The following RUNDC3B variants were observed in gnomAD, a reference collection of about 807,000 sequenced individuals.
The protein encoded by RUNDC3B is RUN domain containing 3B.
In RUNDC3B, 33 loss-of-function variants were observed where a neutral mutation model predicts 58.4. The ratio of observed to expected loss-of-function variants is 0.56; its 90% CI spans 0.43 to 0.75. The LOEUF (loss-of-function observed/expected upper bound fraction) is 0.75, where lower values mean the gene tolerates loss of function less well. Ranked by LOEUF, RUNDC3B falls within the 30% of genes least tolerant of loss-of-function variation. RUNDC3B has a pLI of 0.00. For missense variants in RUNDC3B, 501 were observed against 535.7 expected (o/e 0.94, Z 0.64); for synonymous variants, 193 against 195.2 (o/e 0.99, Z 0.10).
chr7:87,661,796 GT>G (rs1393369498), intron 2 of RUNDC3B, among the ~76,000 whole-genome samples: 1 of 151,872 alleles, frequency 6.6e-6, no homozygotes, highest in Non-Finnish European at 1.5e-5. Context: ...TCATATGGTA[GT>G]TTAATTTTAA....
At chr7:87,713,786 A>T (rs2130754221) in intron 4 of RUNDC3B, among the ~76,000 whole-genome samples, 1 of 152,268 alleles carries the variant, frequency 6.6e-6, no homozygotes, top group Admixed American at 6.5e-5. Context: ...ATAATTAGTA[A>T]ATTTCAATTT....
In RUNDC3B at chr7:87,667,397, G is replaced by GT. The variant is rs202009483; in HGVS notation, c.238+16471dup. On this transcript the variant is annotated intron_variant, in intron 2 of 10. Coordinates refer to ENST00000394654, the MANE Select transcript of RUNDC3B (RefSeq NM_001134405.2). ...GGAGGAACTTTTGGGCCAAGACTAT[G>GT]TTTTTTTTTTTCTAGATATAGAATC... Among the ~76,000 whole-genome samples the GT allele has an allele frequency of 1.2e-3, 182 of 147,132 alleles. 1 individual carries two copies. Among genetic ancestry groups the GT allele is most frequent in the Middle Eastern group, 7.1e-3 (2 of 282 alleles).
intron 2 of RUNDC3B, among the ~76,000 whole-genome samples, chr7:87,676,458 T>G (rs1406306926): frequency 1.3e-5 from 2 of 152,202 alleles, no homozygotes; most frequent in Non-Finnish European, 1.5e-5. Context: ...TCCATCACTT[T>G]GGGAGGCCAA....
chr7:87,651,504 G>T (rs1373817287), intron 2 of RUNDC3B, among the ~76,000 whole-genome samples: 3 of 151,988 alleles, frequency 2.0e-5, no homozygotes, highest in Non-Finnish European at 4.4e-5. Context: ...AAATATAGTT[G>T]CTAAAATTCA....
At chr7:87,644,019 T>G (rs1196957482) in intron 1 of RUNDC3B, among the ~76,000 whole-genome samples, 1 of 152,152 alleles carries the variant, frequency 6.6e-6, no homozygotes, top group Non-Finnish European at 1.5e-5. Flanking sequence ...CCACCATACC[T>G]GGATAATTTT....
intron 7 of RUNDC3B, among the ~76,000 whole-genome samples, chr7:87,771,151 A>G (rs1406756981): frequency 1.3e-5 from 2 of 152,184 alleles, no homozygotes; most frequent in African/African-American, 2.4e-5. Flanking sequence ...AGTGGAGTAT[A>G]TAACAGAAAG....
At chr7:87,816,681 TTGAG>T (rs1837061656) in intron 10 of RUNDC3B, among the ~76,000 whole-genome samples, 1 of 152,218 alleles carries the variant, frequency 6.6e-6, no homozygotes, top group African/African-American at 2.4e-5. Flanking sequence ...ACCTGGTTTA[TTGAG>T]TATTTTAAAA....
chr7:87,701,177 A>G (rs1361898407), intron 3 of RUNDC3B, among the ~76,000 whole-genome samples: 1 of 152,212 alleles, frequency 6.6e-6, no homozygotes, highest in Admixed American at 6.5e-5. Context: ...GCTGAACTAG[A>G]TACTTTTTAA....
rs182462211 is a variant in RUNDC3B, at chr7:87,634,559, C to T, written c.122+5614C>T. ...CAGGAGAATCACTTGAACCCTGGGG[C>T]GGAGGTTGCAGTGAGCCGAGATTCA... On this transcript the variant is annotated intron_variant, in intron 1 of 10. Transcript: ENST00000394654. Among the ~76,000 whole-genome samples, 429 of 147,212 alleles carry T rather than the reference C, an allele frequency of 2.9e-3. 3 individuals are homozygous for T. The highest frequency in any genetic ancestry group is 0.01 in the African/African-American group (403 of 39,422).
At chr7:87,735,124 G>A (rs935541553) in intron 4 of RUNDC3B, among the ~76,000 whole-genome samples, 1 of 152,050 alleles carries the variant, frequency 6.6e-6, no homozygotes, top group African/African-American at 2.4e-5. Flanking sequence ...CTGTAACTCT[G>A]TTCACCCTTT....
At chr7:87,649,751 C>G (rs541853721) in intron 1 of RUNDC3B, among the ~76,000 whole-genome samples, 1 of 152,238 alleles carries the variant, frequency 6.6e-6, no homozygotes, top group Non-Finnish European at 1.5e-5. Context: ...TCCCATAATT[C>G]CTATGTGTTG....
rs909537434 is a variant in RUNDC3B, at chr7:87,700,433, G to T, written c.251G>T (p.Trp84Leu). Residue 84 changes from tryptophan (W) to leucine (L), a missense_variant, in exon 3 of 11, where the codon TGG becomes TTG. Trp to Leu is a moderately conservative substitution (Grantham distance 61). Coordinates refer to ENST00000394654, the MANE Select transcript of RUNDC3B (RefSeq NM_001134405.2). ...LSHRLKGQVT[W>L]FGYESPRSFW... ...TTGTCTCCTGAAGGTCAAGTAACCT[G>T]GTTTGGTTATGAAAGTCCTCGTAGC... is the stretch of plus-strand genomic sequence containing the variant. The T allele has an allele frequency of 3.7e-6, 6 of 1,606,436 alleles. No individual in the cohort carries two copies. The highest frequency in any genetic ancestry group is 1.7e-4 in the Middle Eastern group (1 of 6,028).
In RUNDC3B at chr7:87,628,920, A is replaced by G; in HGVS notation, c.97A>G (p.Arg33Gly). 2 of 1,309,546 alleles carry G rather than the reference A, an allele frequency of 1.5e-6. No homozygotes were observed. Among genetic ancestry groups the G allele is most frequent in the South Asian group, 3.3e-5 (1 of 30,738 alleles). The allele number at this position is 1,309,546 out of a possible 1,614,324, so 81.1% of individuals were successfully genotyped here. Residue 33 changes from arginine (R) to glycine (G), a missense_variant, in exon 1 of 11, where the codon AGG (arginine) becomes GGG (glycine). Transcript: ENST00000394654. Reference protein sequence around the residue: ...SLSARNAAVERRNLITVCRFS... With the variant: ...SLSARNAAVEGRNLITVCRFS... ...GAGCGCCCGCAATGCTGCGGTGGAGAGGAGGAACCTGATCACCGTGTGCAG... is the reference window on the plus strand; with the variant it reads ...GAGCGCCCGCAATGCTGCGGTGGAGGGGAGGAACCTGATCACCGTGTGCAG...
At chr7:87,812,447 A>G (rs1305617616) in intron 9 of RUNDC3B, among the ~76,000 whole-genome samples, 1 of 152,128 alleles carries the variant, frequency 6.6e-6, no homozygotes, top group African/African-American at 2.4e-5. Flanking sequence ...CATCTCCACT[A>G]AAACTACAAA....
chr7:87,702,265 T>C (rs1477833822), intron 3 of RUNDC3B, among the ~76,000 whole-genome samples: 2 of 150,632 alleles, frequency 1.3e-5, no homozygotes, highest in Non-Finnish European at 3.0e-5. Context: ...GGGTTTATTG[T>C]TTTATTTTAT....
intron 4 of RUNDC3B, among the ~76,000 whole-genome samples, chr7:87,723,334 A>T (rs1831018760): frequency 6.6e-6 from 1 of 152,174 alleles, no homozygotes; most frequent in Non-Finnish European, 1.5e-5. Context: ...TATTCAAAAA[A>T]TAGTTAATTT....
intron 4 of RUNDC3B, among the ~76,000 whole-genome samples, chr7:87,716,118 G>C (rs1212101492): frequency 6.6e-6 from 1 of 152,124 alleles, no homozygotes. Flanking sequence ...ACCACGTTCA[G>C]AGTGATTACC....
intron 2 of RUNDC3B, among the ~76,000 whole-genome samples, chr7:87,683,130 T>C (rs979287840): frequency 2.0e-5 from 3 of 152,186 alleles, no homozygotes; most frequent in Non-Finnish European, 1.5e-5. Context: ...GCTTCAAACT[T>C]TTCTTCTGCG....
chr7:87,754,510 C>T (rs1833236951), intron 6 of RUNDC3B, among the ~76,000 whole-genome samples: 1 of 152,082 alleles, frequency 6.6e-6, no homozygotes, highest in Admixed American at 6.6e-5. Flanking sequence ...AATTAACAAC[C>T]TAATATCACA....
Sources: gnomAD v4.1 joint callset for allele counts (sites outside exome capture counted in the v4.1 genomes callset) on GRCh38, gnomAD v4.1.1 for gene constraint, MANE v1.5 for transcripts, NCBI Gene and HGNC (gene_info 2026-07-23, HGNC 2026-07-21) for gene names.